The following HTR4 variants were observed in gnomAD, a reference collection of about 807,000 sequenced individuals.
The protein encoded by HTR4 is 5-hydroxytryptamine receptor 4, also known as 5-hydroxytryptamine (serotonin) receptor 4, G protein-coupled.
In HTR4, 16 loss-of-function variants were observed where a neutral mutation model predicts 36.8. That is an observed-to-expected ratio of 0.43 (90% confidence interval 0.29 to 0.66). HTR4 has a LOEUF of 0.66. Among genes scored for constraint, HTR4 ranks in the 30% least tolerant of loss-of-function variants. The probability of loss-of-function intolerance (pLI) is 0.13; values close to 1 mark genes in which losing one functional copy is unlikely to be tolerated. For missense variants in HTR4, 438 were observed against 490.9 expected (o/e 0.89, Z 1.02); for synonymous variants, 189 against 185.1 (o/e 1.02, Z -0.17).
At chr5:148,461,660 G>A (rs1015147921) in intron 5 of HTR4, among the ~76,000 whole-genome samples, 1 of 151,946 alleles carries the variant, frequency 6.6e-6, no homozygotes, top group Non-Finnish European at 1.5e-5. Flanking sequence ...ATAAATTCAC[G>A]ATTATAGCTG....
intron 2 of HTR4, among the ~76,000 whole-genome samples, chr5:148,593,582 A>T (rs1158112514): frequency 6.6e-6 from 1 of 152,100 alleles, no homozygotes; most frequent in Non-Finnish European, 1.5e-5. Context: ...TAATTCTTTG[A>T]TCTCATACCT....
intron 2 of HTR4, among the ~76,000 whole-genome samples, chr5:148,591,898 C>T (rs907808575): frequency 6.6e-6 from 1 of 152,088 alleles, no homozygotes; most frequent in Non-Finnish European, 1.5e-5. Flanking sequence ...GGTGATTCTT[C>T]AAAGAGCTAA....
In HTR4 at chr5:148,451,077, T is replaced by C. The variant is rs554784000; in HGVS notation, c.*108A>G. Reference sequence around the variant, plus strand: ...CCTCCTCTGGGCTCTCAGCCCCTACTACCTGATGCCTCACTGGTGGTGATG... The same window carrying C: ...CCTCCTCTGGGCTCTCAGCCCCTACCACCTGATGCCTCACTGGTGGTGATG... On this transcript the variant is annotated 3_prime_UTR_variant, in exon 6 of 6. Transcript: ENST00000521530. 42 of 1,569,218 alleles carry C rather than the reference T, an allele frequency of 2.7e-5. No homozygotes were observed. The East Asian group carries it at 8.8e-4, about 33-fold the overall frequency.
At chr5:148,500,176 G>A (rs1414536822) in intron 6 of HTR4, among the ~76,000 whole-genome samples, 1 of 152,116 alleles carries the variant, frequency 6.6e-6, no homozygotes, top group Non-Finnish European at 1.5e-5. Context: ...CACCTATATG[G>A]GGTTGTCAAG....
chr5:148,537,887 G>C (rs1758908906), intron 4 of HTR4, among the ~76,000 whole-genome samples: 1 of 152,084 alleles, frequency 6.6e-6, no homozygotes, highest in Non-Finnish European at 1.5e-5. Context: ...CATCGTATGA[G>C]ACCAGCATCG....
intron 2 of HTR4, among the ~76,000 whole-genome samples, chr5:148,560,943 T>C (rs1388302097): frequency 6.6e-6 from 1 of 152,194 alleles, no homozygotes; most frequent in Non-Finnish European, 1.5e-5. Context: ...CAGCTTAATA[T>C]GTGTTGTAAA....
At chr5:148,468,362 T>G (rs1201813556) in intron 5 of HTR4, among the ~76,000 whole-genome samples, 1 of 152,194 alleles carries the variant, frequency 6.6e-6, no homozygotes, top group Non-Finnish European at 1.5e-5. Flanking sequence ...TCCTCATTAC[T>G]TCTATCTCCT....
In HTR4 at chr5:148,491,322, A is replaced by AT. The variant is rs756001193; in HGVS notation, c.1077-8030dup. 2.8e-3 allele frequency among the ~76,000 whole-genome samples: 416 copies of AT among 147,222 alleles called. 2 individuals are homozygous for AT. The highest frequency in any genetic ancestry group is 7.6e-3 in the Admixed American group (111 of 14,634). ...TCAGTCGCCTTCTACGGCGCTATAT[A>AT]TTTTTTTTTTTTTGGTCTTGCCTTA... On this transcript the variant is annotated intron_variant, in intron 6 of 6. Coordinates refer to ENST00000377888, the MANE Select transcript of HTR4 (RefSeq NM_000870.7).
At chr5:148,465,423 A>T (rs865940009) in intron 5 of HTR4, among the ~76,000 whole-genome samples, 9 of 152,302 alleles carry the variant, frequency 5.9e-5, no homozygotes, top group African/African-American at 2.2e-4. Flanking sequence ...AAACTTTTTT[A>T]AAAAGTACCT....
intron 2 of HTR4, among the ~76,000 whole-genome samples, chr5:148,626,018 C>T (rs1561657493): frequency 6.6e-6 from 1 of 152,148 alleles, no homozygotes; most frequent in South Asian, 2.1e-4. Context: ...AGTCACAACC[C>T]TCAGGCTTGA....
At chr5:148,500,783 T>G (rs1756901963) in intron 6 of HTR4, among the ~76,000 whole-genome samples, 1 of 152,090 alleles carries the variant, frequency 6.6e-6, no homozygotes. Context: ...AACCGCTAAG[T>G]AATGCAAATT....
intron 5 of HTR4, chr5:148,520,969 A>C (rs1333301719): frequency 7.3e-7 from 1 of 1,367,660 alleles, no homozygotes; most frequent in Non-Finnish European, 9.8e-7. Context: ...CTTTCCTTGA[A>C]AAAGAACAAG....
At chr5:148,588,414 G>C (rs1349010085) in intron 2 of HTR4, among the ~76,000 whole-genome samples, 1 of 152,152 alleles carries the variant, frequency 6.6e-6, no homozygotes, top group African/African-American at 2.4e-5. Flanking sequence ...CTTAGACTTG[G>C]GGAATGGAGA....
intron 2 of HTR4, among the ~76,000 whole-genome samples, chr5:148,580,092 C>G (rs1447148926): frequency 6.6e-6 from 1 of 151,986 alleles, no homozygotes; most frequent in East Asian, 1.9e-4. Context: ...CCACTCACAA[C>G]AAGACATATT....
chr5:148,467,033 G>T (rs1190447148), intron 5 of HTR4, among the ~76,000 whole-genome samples: 3 of 152,122 alleles, frequency 2.0e-5, no homozygotes, highest in Non-Finnish European at 4.4e-5. Flanking sequence ...ATAATCATTT[G>T]AAAATTTAAA....
intron 2 of HTR4, among the ~76,000 whole-genome samples, chr5:148,570,729 G>A (rs1320120989): frequency 1.3e-5 from 2 of 152,104 alleles, no homozygotes; most frequent in Non-Finnish European, 2.9e-5. Flanking sequence ...ATTGTTTTAA[G>A]AAGGTTGGCA....
chr5:148,480,799 A>ACCTC (rs1755853807), downstream of HTR4, among the ~76,000 whole-genome samples: 1 of 152,144 alleles, frequency 6.6e-6, no homozygotes, highest in Non-Finnish European at 1.5e-5. Flanking sequence ...AAGTTGGTTT[A>ACCTC]CCTCCCGGTA....
chr5:148,652,926 CT>C (rs1754082996), intron 1 of HTR4, among the ~76,000 whole-genome samples: 1 of 152,178 alleles, frequency 6.6e-6, no homozygotes, highest in South Asian at 2.1e-4. Context: ...GTGAGAGCTG[CT>C]CTTCAGAACT....
At chr5:148,641,387 T>G (rs7712001) in intron 1 of HTR4, among the ~76,000 whole-genome samples, 70,147 of 151,850 alleles carry the variant, frequency 0.46, 16,543 homozygotes, top group East Asian at 0.56. Flanking sequence ...TACAAGAAAT[T>G]ATACCCTCCA....
Sources: allele counts gnomAD v4.1 joint callset (sites outside exome capture counted in the v4.1 genomes callset), GRCh38; gene constraint gnomAD v4.1.1; transcripts MANE v1.5; gene names NCBI Gene and HGNC (gene_info 2026-07-23, HGNC 2026-07-21).